GRM8: variants seen among roughly 807,000 people sequenced by gnomAD.
GRM8 encodes the protein metabotropic glutamate receptor 8.
Under a neutral mutation model 87.2 loss-of-function variants are expected in GRM8, and 47 were observed. The ratio of observed to expected loss-of-function variants is 0.54; its 90% confidence interval spans 0.43 to 0.69. The LOEUF is 0.69. GRM8 is among the 30% of genes least tolerant of loss of function. The probability of loss-of-function intolerance (pLI) is 0.00; values close to 1 mark genes in which losing one functional copy is unlikely to be tolerated. For missense variants in GRM8, 1,019 were observed against 1,139.2 expected (o/e 0.89, Z 1.52); for synonymous variants, 396 against 404.5 (o/e 0.98, Z 0.25).
At position 127,129,386 on chromosome 7, in the gene GRM8, T is replaced by C. The variant is rs144434024; in HGVS notation, c.511-22674A>G. ...AAAGTACTCAGCATCTTTGAGAAACTAAACTGTTGGACATAAAACCAAACT... is the reference window on the plus strand; with the variant it reads ...AAAGTACTCAGCATCTTTGAGAAACCAAACTGTTGGACATAAAACCAAACT... On this transcript the variant is annotated intron_variant, in intron 2 of 10. Coordinates refer to ENST00000339582, the MANE Select transcript of GRM8 (RefSeq NM_000845.3). Among the ~76,000 whole-genome samples the C allele has an allele frequency of 1.7e-3, 257 of 152,302 alleles. 2 individuals are homozygous for C. The highest frequency in any genetic ancestry group is 6.0e-3 in the African/African-American group (249 of 41,574).
At chr7:127,214,097 T>C (rs1001761098) in intron 2 of GRM8, among the ~76,000 whole-genome samples, 9 of 152,240 alleles carry the variant, frequency 5.9e-5, no homozygotes, top group African/African-American at 7.2e-5. Flanking sequence ...AAAGATTATA[T>C]AGTATATAAA....
At chr7:126,696,052 G>A (rs997962664) in intron 7 of GRM8, among the ~76,000 whole-genome samples, 1 of 152,110 alleles carries the variant, frequency 6.6e-6, no homozygotes, top group African/African-American at 2.4e-5. Context: ...ATGTGATGAC[G>A]TTCACAGAAG....
intron 9 of GRM8, among the ~76,000 whole-genome samples, chr7:126,515,813 G>A (rs1337610314): frequency 6.6e-6 from 1 of 151,980 alleles, no homozygotes; most frequent in Non-Finnish European, 1.5e-5. Flanking sequence ...TTATTTTAAG[G>A]TCAGTTGATT....
At chr7:126,459,747 T>C (rs1803681945) in intron 9 of GRM8, among the ~76,000 whole-genome samples, 1 of 151,438 alleles carries the variant, frequency 6.6e-6, no homozygotes, top group Admixed American at 6.6e-5. Context: ...TTTGCTAAGA[T>C]TGGCCCCTTT....
At chr7:127,104,973 A>C (rs1339442747) in intron 3 of GRM8, among the ~76,000 whole-genome samples, 1 of 152,214 alleles carries the variant, frequency 6.6e-6, no homozygotes, top group Non-Finnish European at 1.5e-5. Context: ...TGCACACAAA[A>C]TGTGTCCTCA....
chr7:126,798,772 T>G (rs1822287671), intron 6 of GRM8, among the ~76,000 whole-genome samples: 2 of 152,148 alleles, frequency 1.3e-5, no homozygotes, highest in Admixed American at 1.3e-4. Flanking sequence ...TGAGGACAGA[T>G]GACTGGCATT....
chr7:126,698,592 C>T (rs1809619914), intron 7 of GRM8, among the ~76,000 whole-genome samples: 1 of 152,030 alleles, frequency 6.6e-6, no homozygotes, highest in Non-Finnish European at 1.5e-5. Context: ...CACTTCTGTG[C>T]CTGTTAACAT....
At chr7:126,658,969 G>T (rs1418015837) in intron 7 of GRM8, among the ~76,000 whole-genome samples, 1 of 152,076 alleles carries the variant, frequency 6.6e-6, no homozygotes, top group African/African-American at 2.4e-5. Context: ...CATTTATTCA[G>T]TACAGATATA....
chr7:126,590,543 A>C (rs535806495), intron 8 of GRM8, among the ~76,000 whole-genome samples: 1 of 152,164 alleles, frequency 6.6e-6, no homozygotes, highest in South Asian at 2.1e-4. Flanking sequence ...AATTCATCAT[A>C]AAAAGATTAT....
intron 7 of GRM8, among the ~76,000 whole-genome samples, chr7:126,634,424 T>C (rs180817382): frequency 4.6e-5 from 7 of 152,318 alleles, no homozygotes; most frequent in Non-Finnish European, 8.8e-5. Flanking sequence ...ATGGGTTTCC[T>C]GACCCCACAG....
At chr7:126,618,056 C>T (rs1287589112) in intron 7 of GRM8, among the ~76,000 whole-genome samples, 1 of 152,176 alleles carries the variant, frequency 6.6e-6, no homozygotes. Context: ...AAAAATAGAG[C>T]CCTCATTGCC....
chr7:126,701,683 A>AT (rs985198386), intron 7 of GRM8: 108 of 505,328 alleles, frequency 2.1e-4, no homozygotes, highest in Non-Finnish European at 2.7e-4. Flanking sequence ...TATTGTGAGA[A>AT]TTTTTTTTTA....
chr7:126,439,646 T>G (rs1369968260), intron 10 of GRM8, among the ~76,000 whole-genome samples: 1 of 152,098 alleles, frequency 6.6e-6, no homozygotes, highest in Non-Finnish European at 1.5e-5. Flanking sequence ...ACTTATACAT[T>G]ATAAAGTTAA....
chr7:126,517,991 C>G (rs759325745), intron 9 of GRM8, among the ~76,000 whole-genome samples: 16 of 151,850 alleles, frequency 1.1e-4, no homozygotes, highest in Admixed American at 7.9e-4. Flanking sequence ...TCTTAGGTTC[C>G]ATAGGAAGAG....
intron 3 of GRM8, among the ~76,000 whole-genome samples, chr7:126,933,083 T>C (rs1174697277): frequency 3.9e-5 from 6 of 152,188 alleles, no homozygotes; most frequent in Non-Finnish European, 8.8e-5. Flanking sequence ...TAAGGAATTA[T>C]GTGTGCTGAC....
chr7:126,873,841 G>A (rs761129073), intron 6 of GRM8, among the ~76,000 whole-genome samples: 5 of 152,010 alleles, frequency 3.3e-5, no homozygotes, highest in Non-Finnish European at 7.4e-5. Context: ...CACCTATCCC[G>A]AATGCATAAA....
intron 7 of GRM8, among the ~76,000 whole-genome samples, chr7:126,641,324 T>C (rs1210366972): frequency 6.6e-6 from 1 of 152,194 alleles, no homozygotes; most frequent in Non-Finnish European, 1.5e-5. Flanking sequence ...AAATTTAGGT[T>C]GGCTTAAGCT....
At position 126,533,805 on chromosome 7, in the gene GRM8, T is replaced by C. The variant is rs200083656; in HGVS notation, c.1577A>G (p.Lys526Arg). ...CSLPCKPGER[K>R]KTVKGVPCCW... Reference sequence around the variant, plus strand: ...GCAAGGGACCCCTTTCACCGTTTTCTTCCTCTCCCCTGGCTTACACGGCAG... The same window carrying C: ...GCAAGGGACCCCTTTCACCGTTTTCCTCCTCTCCCCTGGCTTACACGGCAG... The change falls in exon 9 of 11, where the codon AAG becomes AGG. Residue 526 changes from lysine to arginine, a missense_variant. Coordinates refer to ENST00000339582, the MANE Select transcript of GRM8 (RefSeq NM_000845.3). The C allele has an allele frequency of 4.7e-5, 76 of 1,613,938 alleles. No homozygotes were observed. The highest frequency in any genetic ancestry group is 6.4e-5 in the Non-Finnish European group (76 of 1,179,964).
chr7:126,853,715 G>T (rs1381402163), intron 6 of GRM8, among the ~76,000 whole-genome samples: 1 of 152,152 alleles, frequency 6.6e-6, no homozygotes, highest in Admixed American at 6.6e-5. Context: ...CCTATGAATG[G>T]TGCTGGGCCT....
Sources: allele counts gnomAD v4.1 joint callset (sites outside exome capture counted in the v4.1 genomes callset), GRCh38; gene constraint gnomAD v4.1.1; transcripts MANE v1.5; gene names NCBI Gene and HGNC (gene_info 2026-07-23, HGNC 2026-07-21).